Variants in ZFHX3 observed in about 807,000 individuals in gnomAD.
The protein encoded by ZFHX3 is zinc finger homeobox protein 3.
Under a neutral mutation model 279.1 loss-of-function variants are expected in ZFHX3, and 42 were observed. The observed-to-expected ratio is 0.15, with a 90% CI of 0.12 to 0.19. ZFHX3 has a LOEUF of 0.19. ZFHX3 is among the 10% of genes least tolerant of loss of function. ZFHX3 has a pLI of 1.00. For synonymous variants in ZFHX3, 2,293 were observed against 1,957.8 expected, an observed-to-expected ratio of 1.17 and a Z score of -4.52; for missense variants, 4,981 against 4,754.0, an observed-to-expected ratio of 1.05 and a Z score of -1.40.
intron 2 of ZFHX3, among the ~76,000 whole-genome samples, chr16:73,557,643 G>A (rs891610535): frequency 6.6e-6 from 1 of 152,130 alleles, no homozygotes. Flanking sequence ...CAGTGAGGAC[G>A]ACCAGAGGTC....
chr16:73,273,883 C>T (rs982393880), intron 4 of ZFHX3, among the ~76,000 whole-genome samples: 1 of 152,174 alleles, frequency 6.6e-6, no homozygotes, highest in Non-Finnish European at 1.5e-5. Flanking sequence ...TGGCTCACGC[C>T]TGTAATCCCA....
At chr16:73,205,585 T>C (rs1436539268) in intron 5 of ZFHX3, among the ~76,000 whole-genome samples, 1 of 152,210 alleles carries the variant, frequency 6.6e-6, no homozygotes, top group Non-Finnish European at 1.5e-5. Context: ...GAGGAGGATG[T>C]TTCATTGAAC....
In ZFHX3 at chr16:73,715,005, T is replaced by G. The variant is rs1377920224; in HGVS notation, c.-1607-34765A>C. Among the ~76,000 whole-genome samples the G allele has an allele frequency of 2.6e-5, 4 of 152,324 alleles. No individual in the cohort carries two copies. In the South Asian group the frequency reaches 8.3e-4, roughly 32 times the overall value. ...ATCGTTCATTGCCTTTTAAAAATGCTTCCTTTTTCTCTGCCCTCCCTACCC... is the reference window on the plus strand; with the variant it reads ...ATCGTTCATTGCCTTTTAAAAATGCGTCCTTTTTCTCTGCCCTCCCTACCC... On this transcript the variant is annotated intron_variant, in intron 1 of 17. Transcript: ENST00000641206.
At chr16:73,444,002 C>A (rs1482166167) in intron 3 of ZFHX3, among the ~76,000 whole-genome samples, 1 of 152,174 alleles carries the variant, frequency 6.6e-6, no homozygotes, top group African/African-American at 2.4e-5. Context: ...CCCAAGGAAC[C>A]ATCCCACCTT....
chr16:73,764,103 C>A (rs530299340), intron 1 of ZFHX3, among the ~76,000 whole-genome samples: 1 of 152,246 alleles, frequency 6.6e-6, no homozygotes, highest in South Asian at 2.1e-4. Flanking sequence ...TGTTTTAAGT[C>A]ACTACATCTG....
intron 2 of ZFHX3, among the ~76,000 whole-genome samples, chr16:73,470,338 A>G (rs2018645262): frequency 6.6e-6 from 1 of 152,168 alleles, no homozygotes; most frequent in Admixed American, 6.5e-5. Flanking sequence ...AATAAGTAAG[A>G]CCATCCCAGA....
At chr16:73,390,198 G>A (rs550881839) in intron 3 of ZFHX3, among the ~76,000 whole-genome samples, 3 of 151,398 alleles carry the variant, frequency 2.0e-5, no homozygotes, top group African/African-American at 7.3e-5. Context: ...TGGTCTCAAG[G>A]CCCCACCACC....
intron 1 of ZFHX3, among the ~76,000 whole-genome samples, chr16:73,850,744 C>T (rs891247500): frequency 1.3e-5 from 2 of 150,424 alleles, no homozygotes; most frequent in Non-Finnish European, 3.0e-5. Context: ...GATCTAACTC[C>T]CAGCACTTCC....
chr16:73,785,642 A>T lies in ZFHX3; in HGVS notation c.-1607-105402T>A, dbSNP rs1472061862. 9.2e-5 allele frequency among the ~76,000 whole-genome samples: 14 copies of T among 152,240 alleles called. No homozygotes were observed. In the South Asian group the frequency reaches 2.7e-3, roughly 29 times the overall value. On this transcript the variant is annotated intron_variant, in intron 1 of 17. Coordinates refer to the ZFHX3 transcript ENST00000641206. ...AAAGGTGGGGTGGTGGGTGCAGGGT[A>T]AATCCTACCCTCATGCTTAAGCAAC...
chr16:73,716,774 G>A (rs2053420467), intron 1 of ZFHX3, among the ~76,000 whole-genome samples: 2 of 152,094 alleles, frequency 1.3e-5, no homozygotes, highest in African/African-American at 2.4e-5. Context: ...TCCTTTGGGA[G>A]GAGCAATTTA....
intron 2 of ZFHX3, among the ~76,000 whole-genome samples, chr16:73,560,384 C>T (rs560669789): frequency 3.2e-4 from 48 of 152,200 alleles, no homozygotes; most frequent in Admixed American, 2.4e-3. Flanking sequence ...CAGAAGTCGA[C>T]GCCATTTTAT....
At chr16:73,484,663 A>C (rs2018941790) in intron 2 of ZFHX3, among the ~76,000 whole-genome samples, 1 of 152,170 alleles carries the variant, frequency 6.6e-6, no homozygotes, top group African/African-American at 2.4e-5. Context: ...GGAGTAAAGG[A>C]CCAATACTTC....
intron 8 of ZFHX3, among the ~76,000 whole-genome samples, chr16:73,090,941 G>A (rs1216042900): frequency 1.4e-5 from 2 of 147,030 alleles, no homozygotes; most frequent in Non-Finnish European, 3.0e-5. Context: ...GCAAGGCATG[G>A]TGGCTCATAC....
chr16:73,784,798 TA>T lies in ZFHX3; in HGVS notation c.-1607-104559del, dbSNP rs1567409709. 9.0e-5 allele frequency among the ~76,000 whole-genome samples: 10 copies of T among 111,298 alleles called. 1 individual carries two copies. Among genetic ancestry groups the T allele is most frequent in the African/African-American group, 3.4e-4 (9 of 26,640 alleles). The allele number at this position is 111,298 out of a possible 152,430, so 73.0% of individuals were successfully genotyped here. ...ATTTTTAACAAAATAAAAAAAAAAA[TA>T]TATATATATATATATATACACACAC... On this transcript the variant is annotated intron_variant, in intron 1 of 17. Coordinates refer to the ZFHX3 transcript ENST00000641206.
chr16:73,551,165 C>T (rs111779129), intron 2 of ZFHX3, among the ~76,000 whole-genome samples: 61 of 152,280 alleles, frequency 4.0e-4, no homozygotes, highest in Non-Finnish European at 7.5e-4. Flanking sequence ...GGTATTAAAA[C>T]GCTTTTATCC....
intron 1 of ZFHX3, among the ~76,000 whole-genome samples, chr16:73,019,234 G>A (rs564879916): frequency 9.2e-5 from 14 of 152,328 alleles, no homozygotes; most frequent in African/African-American, 2.6e-4. Context: ...CAGTGGACGT[G>A]AGCCTCACTC....
At chr16:73,436,350 G>A (rs1300006657) in intron 3 of ZFHX3, among the ~76,000 whole-genome samples, 1 of 152,186 alleles carries the variant, frequency 6.6e-6, no homozygotes, top group Non-Finnish European at 1.5e-5. Context: ...GGGACTCAGA[G>A]TTCCATGTGG....
chr16:73,237,346 A>T (rs1289161169), intron 5 of ZFHX3, among the ~76,000 whole-genome samples: 1 of 152,042 alleles, frequency 6.6e-6, no homozygotes, highest in Non-Finnish European at 1.5e-5. Context: ...CCTGGGATCA[A>T]GTAATCCTCT....
chr16:73,757,086 T>A (rs2053817651), intron 1 of ZFHX3, among the ~76,000 whole-genome samples: 1 of 152,088 alleles, frequency 6.6e-6, no homozygotes, highest in Non-Finnish European at 1.5e-5. Flanking sequence ...GTGTCTCTTC[T>A]GAAGAACAGC....
Sources: gnomAD v4.1 joint callset for allele counts (sites outside exome capture counted in the v4.1 genomes callset) on GRCh38, gnomAD v4.1.1 for gene constraint, MANE v1.5 for transcripts, NCBI Gene and HGNC (gene_info 2026-07-23, HGNC 2026-07-21) for gene names.